Variants in PELI2 observed in about 807,000 individuals in gnomAD.
PELI2 encodes pellino E3 ubiquitin protein ligase family member 2, also known as E3 ubiquitin-protein ligase pellino homolog 2.
In PELI2, 23 loss-of-function variants were observed where a neutral mutation model predicts 42.3. That is an observed-to-expected ratio of 0.54 (90% CI 0.39 to 0.77). The LOEUF (loss-of-function observed/expected upper bound fraction) is 0.77, where lower values mean the gene tolerates loss of function less well. Ranked by LOEUF, PELI2 falls within the 30% of genes least tolerant of loss-of-function variation. The probability of loss-of-function intolerance (pLI) is 0.00; values close to 1 mark genes in which losing one functional copy is unlikely to be tolerated. For missense variants in PELI2, 463 were observed against 553.2 expected (o/e 0.84, Z 1.64); for synonymous variants, 245 against 212.2 (o/e 1.15, Z -1.34).
intron 2 of PELI2, among the ~76,000 whole-genome samples, chr14:56,254,218 G>T (rs1888448114): frequency 6.6e-6 from 1 of 152,154 alleles, no homozygotes; most frequent in Non-Finnish European, 1.5e-5. Context: ...GGCCAACATG[G>T]TGAAACCCCG....
chr14:56,200,181 T>C (rs904330750), intron 2 of PELI2, among the ~76,000 whole-genome samples: 1 of 152,298 alleles, frequency 6.6e-6, no homozygotes, highest in African/African-American at 2.4e-5. Flanking sequence ...GTATTTCTTC[T>C]TTCTTTTACT....
chr14:56,168,263 GC>G (rs35910825), intron 1 of PELI2, among the ~76,000 whole-genome samples: 66,288 of 151,500 alleles, frequency 0.44, 14,546 homozygotes, highest in South Asian at 0.53. Flanking sequence ...TGAGCAGCGT[GC>G]CCCCCCCCAG....
chr14:56,125,511 A>G (rs1478301796), intron 1 of PELI2, among the ~76,000 whole-genome samples: 1 of 152,024 alleles, frequency 6.6e-6, no homozygotes, highest in Non-Finnish European at 1.5e-5. Flanking sequence ...CCGAGAAAAT[A>G]GTCCTGTGTC....
intron 2 of PELI2, among the ~76,000 whole-genome samples, chr14:56,187,884 G>A (rs1327636398): frequency 6.6e-6 from 1 of 152,220 alleles, no homozygotes; most frequent in African/African-American, 2.4e-5. Context: ...CTGCTGCCAG[G>A]TGAGCCCTGC....
chr14:56,178,354 A>G lies in PELI2; in HGVS notation c.97A>G (p.Asn33Asp), dbSNP rs534103965. 2.6e-4 allele frequency: 422 copies of G among 1,614,086 alleles called. 3 individuals are homozygous for G. In the South Asian group the frequency reaches 4.4e-3, roughly 17 times the overall value. ...TTCTAGGTACAATGGTGCTTTACCC[A>G]ATGGAGATAGAGGACGGAGGAAAAG... Reference protein sequence around the residue: ...VVLGYNGALPNGDRGRRKSRF... With the variant: ...VVLGYNGALPDGDRGRRKSRF... Residue 33 changes from asparagine to aspartate, a missense_variant, in exon 2 of 6, where the codon AAT (asparagine) becomes GAT (aspartate). Coordinates refer to ENST00000267460, the MANE Select transcript of PELI2 (RefSeq NM_021255.3).
chr14:56,222,818 G>A (rs915554219), intron 2 of PELI2, among the ~76,000 whole-genome samples: 4 of 152,188 alleles, frequency 2.6e-5, no homozygotes, highest in South Asian at 2.1e-4. Context: ...CTTCTTGTGC[G>A]CTGTTGTGCA....
At chr14:56,245,427 A>G (rs1396651068) in intron 2 of PELI2, among the ~76,000 whole-genome samples, 1 of 152,212 alleles carries the variant, frequency 6.6e-6, no homozygotes. Context: ...TTTTTCTAAA[A>G]CATGTAAAAC....
intron 2 of PELI2, among the ~76,000 whole-genome samples, chr14:56,271,028 TG>T (rs1419767583): frequency 1.3e-5 from 2 of 152,228 alleles, no homozygotes; most frequent in Non-Finnish European, 2.9e-5. Context: ...AAGCATTTGC[TG>T]GATTATCAGT....
rs1886169715 is a variant in PELI2, at chr14:56,197,495, T to C, written c.207+19031T>C. ...TGTTGGGTGTTTGGGGAGACATTTATGCATGAAGCGGGTGTTCTGGCTTTG... is the reference window on the plus strand; with the variant it reads ...TGTTGGGTGTTTGGGGAGACATTTACGCATGAAGCGGGTGTTCTGGCTTTG... On this transcript the variant is annotated intron_variant, in intron 2 of 5. Coordinates refer to ENST00000267460, the MANE Select transcript of PELI2 (RefSeq NM_021255.3). This position sits in a 1 kb window ranked among gnomAD's most constrained non-coding sequence, Gnocchi z 4.9. Among the ~76,000 whole-genome samples the C allele has an allele frequency of 6.6e-6, 1 of 152,124 alleles. No individual in the cohort carries two copies. Among genetic ancestry groups the C allele is most frequent in the Non-Finnish European group, 1.5e-5 (1 of 68,024 alleles).
intron 2 of PELI2, among the ~76,000 whole-genome samples, chr14:56,260,745 ACT>A (rs1418852511): frequency 1.3e-5 from 2 of 152,112 alleles, no homozygotes; most frequent in Admixed American, 6.6e-5. Flanking sequence ...AAGCGAACAC[ACT>A]CTTTTTCTGA....
In PELI2 at chr14:56,296,657, A is replaced by C; in HGVS notation, c.754A>C (p.Thr252Pro). The stretch of plus-strand genomic sequence containing the variant: ...CTCCCTCATTGACCTGTGTGGGGCC[A>C]CTCTCCTCTGGAGAACAGCAGATGG... ...DGSLIDLCGA[T>P]LLWRTADGLF... The change falls in exon 6 of 6, where the codon ACT becomes CCT. Residue 252 changes from threonine to proline, a missense_variant. Thr to Pro is a conservative substitution (Grantham distance 38). This residue lies in a region of PELI2 where 343 missense variants were observed against 378.4 expected (regional missense o/e 0.91). Coordinates refer to ENST00000267460, the MANE Select transcript of PELI2 (RefSeq NM_021255.3). 6.2e-7 allele frequency: 1 copy of C among 1,614,018 alleles called. No homozygotes were observed. Among genetic ancestry groups the C allele is most frequent in the African/African-American group, 1.3e-5 (1 of 75,032 alleles).
chr14:56,235,722 G>A (rs975969926), intron 2 of PELI2, among the ~76,000 whole-genome samples: 3 of 152,164 alleles, frequency 2.0e-5, no homozygotes, highest in African/African-American at 7.2e-5. Context: ...GATGGAAGAT[G>A]GATATTTTCA....
intron 1 of PELI2, among the ~76,000 whole-genome samples, chr14:56,137,200 C>CTTT (rs33928658): frequency 1.3e-5 from 2 of 149,562 alleles, no homozygotes; most frequent in African/African-American, 4.9e-5. Context: ...CCATAGTAAC[C>CTTT]TTTTTTTTTT....
rs1290398736 is a variant in PELI2 at position 56,273,600 on chromosome 14, T to A, written c.208-6076T>A. On this transcript the variant is annotated intron_variant, in intron 2 of 5. Coordinates refer to ENST00000267460, the MANE Select transcript of PELI2 (RefSeq NM_021255.3). This position sits in a 1 kb window ranked among gnomAD's most constrained non-coding sequence, Gnocchi z 4.3. Reference sequence around the variant, plus strand: ...TGTTACACATTGTTTTGCATTTGATTTTTGCCTTAATACAGTGAAATCAGC... The same window carrying A: ...TGTTACACATTGTTTTGCATTTGATATTTGCCTTAATACAGTGAAATCAGC... 1.3e-5 allele frequency among the ~76,000 whole-genome samples: 2 copies of A among 152,218 alleles called. No homozygotes were observed. Among genetic ancestry groups the A allele is most frequent in the East Asian group, 3.9e-4 (2 of 5,190 alleles).
chr14:56,196,427 A>C (rs17091112), intron 2 of PELI2, among the ~76,000 whole-genome samples: 14,366 of 152,184 alleles, frequency 0.094, 988 homozygotes, highest in East Asian at 0.25. Flanking sequence ...TTACATCACT[A>C]TTTCTAGGTT....
At chr14:56,199,629 G>A (rs775389333) in intron 2 of PELI2, among the ~76,000 whole-genome samples, 1 of 152,158 alleles carries the variant, frequency 6.6e-6, no homozygotes, top group Admixed American at 6.5e-5. Flanking sequence ...AAAACCCCCT[G>A]ATAATTCAGT....
chr14:56,182,507 TCTTCATGATGGTTTTCC>T (rs773449024), intron 2 of PELI2, among the ~76,000 whole-genome samples: 92 of 152,356 alleles, frequency 6.0e-4, no homozygotes, highest in Non-Finnish European at 1.0e-4. Context: ...TATGGAAAAC[TCTTCATGATGGTTTTCC>T]CTTCTCAGAT....
chr14:56,273,956 C>T lies in PELI2; in HGVS notation c.208-5720C>T, dbSNP rs532177543. Among the ~76,000 whole-genome samples the T allele has an allele frequency of 2.4e-4, 37 of 152,278 alleles. No homozygotes were observed. Among genetic ancestry groups the T allele is most frequent in the African/African-American group, 8.4e-4 (35 of 41,558 alleles). ...GCCAACTTCTGTGAGAGTCTTTTGACCTTCCTCTCACGTTGCAAGGTGGTC... is the reference window on the plus strand; with the variant it reads ...GCCAACTTCTGTGAGAGTCTTTTGATCTTCCTCTCACGTTGCAAGGTGGTC... On this transcript the variant is annotated intron_variant, in intron 2 of 5. Coordinates refer to ENST00000267460, the MANE Select transcript of PELI2 (RefSeq NM_021255.3). This position sits in a 1 kb window ranked among gnomAD's most constrained non-coding sequence, Gnocchi z 4.3.
At chr14:56,195,099 C>T (rs1167238393) in intron 2 of PELI2, among the ~76,000 whole-genome samples, 2 of 152,176 alleles carry the variant, frequency 1.3e-5, no homozygotes, top group East Asian at 3.8e-4. Context: ...GTTTCTACAG[C>T]TGTTAGTGAA....
Sources: allele counts gnomAD v4.1 joint callset (sites outside exome capture counted in the v4.1 genomes callset), GRCh38; gene constraint gnomAD v4.1.1; regional missense constraint gnomAD v4.1.1; non-coding constraint Gnocchi (gnomAD v3.1); transcripts MANE v1.5; gene names NCBI Gene and HGNC (gene_info 2026-07-23, HGNC 2026-07-21).